RPGRIP1: variants seen among roughly 807,000 people sequenced by gnomAD.
RPGRIP1 encodes X-linked retinitis pigmentosa GTPase regulator-interacting protein 1.
A neutral mutation model predicts 157.9 loss-of-function variants in RPGRIP1; 128 were observed. The ratio of observed to expected loss-of-function variants is 0.81; its 90% CI spans 0.70 to 0.94. The LOEUF (loss-of-function observed/expected upper bound fraction) is 0.94. Ranked by LOEUF, RPGRIP1 falls within the 40% of genes least tolerant of loss-of-function variation. The pLI is 0.00. For synonymous variants in RPGRIP1, 554 were observed against 571.6 expected, an observed-to-expected ratio of 0.97 and a Z score of 0.44; for missense variants, 1,486 against 1,545.8, an observed-to-expected ratio of 0.96 and a Z score of 0.65.
Position 21,343,866 on chromosome 14 carries a change from G to GTTT in RPGRIP1, c.3532+677_3532+679dup, listed in dbSNP as rs67535379. Among the ~76,000 whole-genome samples, 14 of 50,428 alleles carry GTTT rather than the reference G, an allele frequency of 2.8e-4. 1 individual carries two copies. The highest frequency in any genetic ancestry group is 2.5e-4 in the Non-Finnish European group (7 of 27,758). 33.1% of individuals were successfully genotyped at this position (50,428 alleles called of 152,430 possible). On this transcript the variant is annotated intron_variant, in intron 22 of 24. Transcript: ENST00000400017. Reference sequence around the variant, plus strand: ...TGATTTTTGTTCTTCCTCTTTTCCTGTTTTTTTTTTTTTTTTTTTTTTTTT... The same window carrying GTTT: ...TGATTTTTGTTCTTCCTCTTTTCCTGTTTTTTTTTTTTTTTTTTTTTTTTTTTT...
At chr14:21,310,808 T>C (rs1881510334) in intron 8 of RPGRIP1, 1 of 679,396 alleles carries the variant, frequency 1.5e-6, no homozygotes, top group African/African-American at 1.8e-5. Flanking sequence ...TTCATAAAAA[T>C]TGAAATATGA....
intron 20 of RPGRIP1, among the ~76,000 whole-genome samples, chr14:21,332,886 C>G (rs557749421): frequency 6.6e-6 from 1 of 152,268 alleles, no homozygotes; most frequent in South Asian, 2.1e-4. Context: ...GCAGGCAGAT[C>G]ACCTGTCAGG....
Position 21,317,760 on chromosome 14 carries a change from C to A in RPGRIP1, c.1216C>A (p.Leu406Ile). The change falls in exon 11 of 25, where the codon CTA becomes ATA. Residue 406 changes from leucine to isoleucine, a missense_variant. Physicochemically the swap from Leu to Ile is conservative, Grantham distance 5. Coordinates refer to ENST00000400017, the MANE Select transcript of RPGRIP1 (RefSeq NM_020366.4). ...HWSNELIAEQ[L>I]QQQVSQLQDQ... ...GAGCAACGAGCTCATAGCGGAACAG[C>A]TACAGCAGCAAGTCTCTCAGCTGCA... 1 of 1,596,260 alleles carries A rather than the reference C, an allele frequency of 6.3e-7. No individual in the cohort carries two copies. Among genetic ancestry groups the A allele is most frequent in the Non-Finnish European group, 8.5e-7 (1 of 1,171,388 alleles).
intron 3 of RPGRIP1, among the ~76,000 whole-genome samples, chr14:21,295,500 T>G (rs1744991486): frequency 1.0e-5 from 1 of 100,062 alleles, no homozygotes; most frequent in Admixed American, 1.0e-4. Context: ...TTTTTTTTTT[T>G]GAGATGGAGT....
intron 12 of RPGRIP1, among the ~76,000 whole-genome samples, chr14:21,320,777 T>G (rs1167603977): frequency 1.3e-5 from 2 of 151,702 alleles, no homozygotes; most frequent in Non-Finnish European, 2.9e-5. Flanking sequence ...TTTTTTGTAT[T>G]TTTAGTAGAG....
intron 21 of RPGRIP1, among the ~76,000 whole-genome samples, chr14:21,339,328 C>A (rs903932148): frequency 6.6e-6 from 1 of 151,952 alleles, no homozygotes; most frequent in Non-Finnish European, 1.5e-5. Flanking sequence ...TGCTTGTAAT[C>A]CTGGCTACTC....
chr14:21,302,441 C>T (rs369739531), intron 4 of RPGRIP1, 47 bp from the exon 5 acceptor site: 48 of 1,072,766 alleles, frequency 4.5e-5, no homozygotes, highest in Non-Finnish European at 6.0e-5. Context: ...CTTGGTGTTC[C>T]GGAGGGTACT....
intron 24 of RPGRIP1, among the ~76,000 whole-genome samples, chr14:21,348,735 A>C (rs1485491105): frequency 7.3e-6 from 1 of 137,478 alleles, no homozygotes; most frequent in African/African-American, 2.7e-5. Flanking sequence ...GTGTGATCTC[A>C]GCTCACTGCA....
chr14:21,334,967 A>G (rs185920238), intron 21 of RPGRIP1, among the ~76,000 whole-genome samples: 1 of 145,196 alleles, frequency 6.9e-6, no homozygotes, highest in Admixed American at 7.3e-5. Flanking sequence ...AATTGCTTGA[A>G]CCCGGGAGGC....
chr14:21,311,935 G>A lies in RPGRIP1; in HGVS notation c.1042G>A (p.Glu348Lys). ...GGCTGTGAGCTTGAAGAGCCAACTG[G>A]AAGATGTGTCTATCTTGCAGATGAC... ...KKAVSLKSQL[E>K]DVSILQMTLK... Residue 348 changes from glutamate (E) to lysine (K), a missense_variant, in exon 9 of 25, where the codon GAA becomes AAA. Transcript: ENST00000400017. The A allele has an allele frequency of 1.9e-6, 3 of 1,613,370 alleles. No individual in the cohort carries two copies. Among genetic ancestry groups the A allele is most frequent in the Non-Finnish European group, 2.5e-6 (3 of 1,179,620 alleles).
chr14:21,340,786 C>CA (rs113736475), intron 21 of RPGRIP1, among the ~76,000 whole-genome samples: 3,314 of 152,170 alleles, frequency 0.022, 110 homozygotes, highest in African/African-American at 0.073. Context: ...TATAAAAGAA[C>CA]AAGTTTCAAG....
chr14:21,294,069 A>AAAG (rs1426227049), intron 2 of RPGRIP1, among the ~76,000 whole-genome samples: 34 of 149,812 alleles, frequency 2.3e-4, no homozygotes, highest in African/African-American at 7.7e-4. Flanking sequence ...AAAAAAAAAA[A>AAAG]AAGAAGAAGA....
At chr14:21,347,046 T>A (rs1057191321) in intron 23 of RPGRIP1, among the ~76,000 whole-genome samples, 1 of 152,234 alleles carries the variant, frequency 6.6e-6, no homozygotes, top group South Asian at 2.1e-4. Flanking sequence ...TCTGTGCTAA[T>A]GTCAAATTTA....
chr14:21,340,064 G>T (rs547140640), intron 21 of RPGRIP1, among the ~76,000 whole-genome samples: 2 of 152,304 alleles, frequency 1.3e-5, no homozygotes, highest in South Asian at 4.1e-4. Flanking sequence ...GAACGAGAAG[G>T]GAAGAGCTAC....
rs191642942 is a variant in RPGRIP1 at position 21,326,980 on chromosome 14, C to T, written c.2711-643C>T. On this transcript the variant is annotated intron_variant, in intron 17 of 24. Transcript: ENST00000400017. ...GAGGGGTCAACTCTTTGACTACAGT[C>T]CTGGGAGGGTGAGGTGGGGGTATCC... Among the ~76,000 whole-genome samples the T allele has an allele frequency of 1.3e-3, 193 of 152,074 alleles. 2 individuals carry two copies. Among genetic ancestry groups the T allele is most frequent in the African/African-American group, 4.5e-3 (186 of 41,490 alleles).
In RPGRIP1 at chr14:21,325,936, G is replaced by C; in HGVS notation, c.2473G>C (p.Val825Leu). 1 of 1,613,978 alleles carries C rather than the reference G, an allele frequency of 6.2e-7. No individual in the cohort carries two copies. The highest frequency in any genetic ancestry group is 8.5e-7 in the Non-Finnish European group (1 of 1,179,874). ...GGGAACTCAACCCAGTCCATATGCT[G>C]TGTACCGCTTCTTCACCTTTTCTGA... ...WLGTQPSPYA[V>L]YRFFTFSDHD... is the part of the protein sequence containing the mutation. Residue 825 changes from valine (V) to leucine (L), a missense_variant, in exon 17 of 25, where the codon GTG becomes CTG. Coordinates refer to ENST00000400017, the MANE Select transcript of RPGRIP1 (RefSeq NM_020366.4).
intron 3 of RPGRIP1, among the ~76,000 whole-genome samples, chr14:21,295,696 G>A (rs1336657399): frequency 1.3e-5 from 2 of 151,802 alleles, no homozygotes; most frequent in African/African-American, 4.8e-5. Context: ...GGCTGGTCTT[G>A]AACTCTTGAC....
intron 20 of RPGRIP1, among the ~76,000 whole-genome samples, 192 bp from the exon 21 acceptor site, chr14:21,334,413 A>T (rs1884115813): frequency 6.6e-6 from 1 of 150,728 alleles, no homozygotes; most frequent in South Asian, 2.1e-4. Flanking sequence ...TGAGAAGTGA[A>T]TCCTGTATGT....
chr14:21,351,025 T>G, intron 24 of RPGRIP1, 79 bp from the exon 25 acceptor site: 1 of 724,078 alleles, frequency 1.4e-6, no homozygotes, highest in Non-Finnish European at 2.3e-6. Flanking sequence ...TCATTTAGCA[T>G]CCCCAGTACC....
Sources: gnomAD v4.1 joint callset for allele counts (sites outside exome capture counted in the v4.1 genomes callset) on GRCh38, gnomAD v4.1.1 for gene constraint, MANE v1.5 for transcripts, NCBI Gene and HGNC (gene_info 2026-07-23, HGNC 2026-07-21) for gene names.